The following SMYD3 variants were observed in gnomAD, a reference collection of about 807,000 sequenced individuals.
SMYD3 encodes SET and MYND domain containing 3, also known as histone-lysine N-methyltransferase SMYD3.
SMYD3 carries 36 observed loss-of-function variants against 57.7 expected under a neutral mutation model. That is an observed-to-expected ratio of 0.62 (90% confidence interval 0.48 to 0.82). The LOEUF (loss-of-function observed/expected upper bound fraction) is 0.82. Ranked by LOEUF, SMYD3 falls within the 40% of genes least tolerant of loss-of-function variation. The probability of loss-of-function intolerance (pLI) is 0.00; values close to 1 mark genes in which losing one functional copy is unlikely to be tolerated. For missense variants in SMYD3, 515 were observed against 538.8 expected, an observed-to-expected ratio of 0.96 and a Z score of 0.44; for synonymous variants, 211 against 195.0, an observed-to-expected ratio of 1.08 and a Z score of -0.68.
rs2061261881 is a variant in SMYD3 at position 246,112,523 on chromosome 1, T to C, written c.532-182586A>G. On this transcript the variant is annotated intron_variant, in intron 5 of 11. Transcript: ENST00000490107. ...GAGGTTTTCTTAAGGAGAAATCTGT[T>C]GGTTATACACATAAATTGCTAACAA... is the stretch of plus-strand genomic sequence containing the variant. Among the ~76,000 whole-genome samples the C allele has an allele frequency of 3.9e-5, 6 of 152,232 alleles. No homozygotes were observed. In the South Asian group the frequency reaches 1.2e-3, roughly 32 times the overall value.
At chr1:246,230,367 A>C (rs1315923132) in intron 5 of SMYD3, among the ~76,000 whole-genome samples, 6 of 152,248 alleles carry the variant, frequency 3.9e-5, no homozygotes, top group Non-Finnish European at 5.9e-5. Context: ...TTGCATAAAC[A>C]CATTCAAGAA....
chr1:246,506,828 C>G (rs1010898629), intron 1 of SMYD3, among the ~76,000 whole-genome samples: 1 of 38,518 alleles, frequency 2.6e-5, no homozygotes, highest in Admixed American at 2.7e-4. Flanking sequence ...GTGGCTGAGC[C>G]TGGGCCCCCT....
At chr1:246,462,628 C>G (rs2067819532) in intron 1 of SMYD3, among the ~76,000 whole-genome samples, 1 of 152,160 alleles carries the variant, frequency 6.6e-6, no homozygotes, top group Admixed American at 6.5e-5. Flanking sequence ...ATAGCTGAAA[C>G]AAACTCAGCC....
chr1:246,430,770 G>C (rs1421920741), intron 1 of SMYD3, among the ~76,000 whole-genome samples: 1 of 152,160 alleles, frequency 6.6e-6, no homozygotes, highest in Non-Finnish European at 1.5e-5. Flanking sequence ...ATTTTCTTAG[G>C]AGGATCTGAC....
intron 5 of SMYD3, among the ~76,000 whole-genome samples, chr1:246,261,113 C>A (rs141183964): frequency 0.015 from 2,265 of 152,242 alleles, 40 homozygotes; most frequent in African/African-American, 0.035. Context: ...GGCTGGAGTG[C>A]AGTGGCACCA....
At chr1:246,143,814 C>T (rs12134639) in intron 5 of SMYD3, among the ~76,000 whole-genome samples, 6,279 of 152,260 alleles carry the variant, frequency 0.041, 159 homozygotes, top group South Asian at 0.071. Context: ...TAGGTCAACA[C>T]CATTTACCTA....
intron 5 of SMYD3, among the ~76,000 whole-genome samples, chr1:246,209,582 T>TAA (rs67869737): frequency 6.7e-6 from 1 of 148,262 alleles, no homozygotes; most frequent in African/African-American, 2.4e-5. Context: ...AGCATTGGGG[T>TAA]AAAAAAAAAA....
chr1:245,895,593 A>G (rs1033637731), intron 8 of SMYD3, among the ~76,000 whole-genome samples: 3 of 152,216 alleles, frequency 2.0e-5, no homozygotes, highest in Non-Finnish European at 4.4e-5. Context: ...TTGGGCTGAG[A>G]ACTTTCATTT....
At chr1:246,393,786 G>A (rs2066610864) in intron 1 of SMYD3, among the ~76,000 whole-genome samples, 1 of 151,952 alleles carries the variant, frequency 6.6e-6, no homozygotes. Context: ...ACCCTGGGAA[G>A]TGAGGCTGCC....
rs143469368 is a variant in SMYD3, at chr1:245,872,312, C to A, written c.814-8426G>T. On this transcript the variant is annotated intron_variant, in intron 8 of 11. Coordinates refer to ENST00000490107, the MANE Select transcript of SMYD3 (RefSeq NM_001167740.2). The stretch of plus-strand genomic sequence containing the variant: ...CAGGGCTCTGAATTGTGAGTCCAAG[C>A]AGCTGCTTGCATCCTCGCAAGAGCC... 3.0e-3 allele frequency among the ~76,000 whole-genome samples: 447 copies of A among 150,604 alleles called. 3 individuals carry two copies. Among genetic ancestry groups the A allele is most frequent in the African/African-American group, 9.1e-3 (377 of 41,426 alleles).
At chr1:246,015,151 T>C (rs893023895) in intron 5 of SMYD3, among the ~76,000 whole-genome samples, 1 of 152,162 alleles carries the variant, frequency 6.6e-6, no homozygotes, top group African/African-American at 2.4e-5. Flanking sequence ...GAAGGGTGTA[T>C]ACATCTGTCC....
At chr1:246,343,441 T>C (rs2065662434) in intron 2 of SMYD3, among the ~76,000 whole-genome samples, 1 of 151,506 alleles carries the variant, frequency 6.6e-6, no homozygotes, top group African/African-American at 2.4e-5. Context: ...CATTTGAGAG[T>C]GAAAAAGTGG....
chr1:246,458,314 A>C (rs145675195), intron 1 of SMYD3, among the ~76,000 whole-genome samples: 73 of 152,312 alleles, frequency 4.8e-4, no homozygotes, highest in Non-Finnish European at 9.3e-4. Context: ...GTGAGAAACA[A>C]GACAAGCAGA....
At chr1:245,791,397 A>G (rs2047259318) in intron 10 of SMYD3, among the ~76,000 whole-genome samples, 1 of 152,208 alleles carries the variant, frequency 6.6e-6, no homozygotes, top group Non-Finnish European at 1.5e-5. Context: ...CACCATGAGG[A>G]TAAATTGCAA....
chr1:245,845,222 G>T (rs944497299), intron 10 of SMYD3, among the ~76,000 whole-genome samples: 3 of 152,100 alleles, frequency 2.0e-5, no homozygotes, highest in African/African-American at 7.2e-5. Context: ...ACCCCACTGC[G>T]TATTTCCCCA....
chr1:245,981,788 A>AG (rs2058602234), intron 5 of SMYD3, among the ~76,000 whole-genome samples: 2 of 152,378 alleles, frequency 1.3e-5, no homozygotes, highest in East Asian at 3.9e-4. Flanking sequence ...TTAAGTAAGA[A>AG]GGGGTCCTTT....
At chr1:246,308,774 G>A (rs1409655492) in intron 5 of SMYD3, among the ~76,000 whole-genome samples, 1 of 151,968 alleles carries the variant, frequency 6.6e-6, no homozygotes, top group Non-Finnish European at 1.5e-5. Flanking sequence ...TCTTATACTC[G>A]GGATTCTGCT....
chr1:246,142,794 C>T (rs1157626811), intron 5 of SMYD3, among the ~76,000 whole-genome samples: 1 of 152,132 alleles, frequency 6.6e-6, no homozygotes, highest in Non-Finnish European at 1.5e-5. Context: ...AGAGAGTTCT[C>T]GTAAGTATAT....
intron 5 of SMYD3, among the ~76,000 whole-genome samples, chr1:246,045,955 C>G (rs12065365): frequency 0.46 from 70,081 of 151,532 alleles, 17,607 homozygotes; most frequent in East Asian, 0.8. Context: ...GAATGGCGAT[C>G]ATTAAAAAGT....
Sources: allele counts gnomAD v4.1 joint callset (sites outside exome capture counted in the v4.1 genomes callset), GRCh38; gene constraint gnomAD v4.1.1; transcripts MANE v1.5; gene names NCBI Gene and HGNC (gene_info 2026-07-23, HGNC 2026-07-21).